The following NUP35 variants were observed in gnomAD, a reference collection of about 807,000 sequenced individuals.
NUP35 encodes nucleoporin 35, also known as nucleoporin NUP35.
A neutral mutation model predicts 41.5 loss-of-function variants in NUP35; 25 were observed. The ratio of observed to expected loss-of-function variants is 0.60; its 90% confidence interval spans 0.44 to 0.84. NUP35 has a LOEUF of 0.84. Ranked by LOEUF, NUP35 falls within the 40% of genes least tolerant of loss-of-function variation. The probability of loss-of-function intolerance (pLI) is 0.00; values close to 1 mark genes in which losing one functional copy is unlikely to be tolerated. For missense variants in NUP35, 396 were observed against 396.6 expected, an observed-to-expected ratio of 1.00 and a Z score of 0.01; for synonymous variants, 149 against 130.7, an observed-to-expected ratio of 1.14 and a Z score of -0.96.
intron 4 of NUP35, among the ~76,000 whole-genome samples, chr2:183,143,170 AG>A (rs1685161402): frequency 6.7e-6 from 1 of 150,046 alleles, no homozygotes; most frequent in African/African-American, 2.5e-5. Context: ...AAAAAAAAAA[AG>A]AAAAGAAATA....
chr2:183,129,679 A>G (rs953472442), intron 2 of NUP35, among the ~76,000 whole-genome samples: 3 of 152,210 alleles, frequency 2.0e-5, no homozygotes, highest in Non-Finnish European at 4.4e-5. Context: ...CTGAGGCTAA[A>G]TGCAATAAGT....
At chr2:183,151,375 A>G (rs1685463837) in intron 4 of NUP35, 133 bp from the exon 5 acceptor site, 1 of 676,196 alleles carries the variant, frequency 1.5e-6, no homozygotes, top group South Asian at 2.2e-5. Flanking sequence ...CTATTTGACC[A>G]CAGTTGTATG....
intron 3 of NUP35, among the ~76,000 whole-genome samples, chr2:183,133,092 A>G (rs555199757): frequency 1.3e-5 from 2 of 152,258 alleles, no homozygotes; most frequent in African/African-American, 4.8e-5. Context: ...CAGTTTTGGA[A>G]CTTTCTACTG....
intron 4 of NUP35, among the ~76,000 whole-genome samples, chr2:183,145,556 A>G (rs1234722110): frequency 6.6e-6 from 1 of 152,194 alleles, no homozygotes; most frequent in Non-Finnish European, 1.5e-5. Flanking sequence ...CATGTACCCC[A>G]TACATTTGTA....
intron 4 of NUP35, among the ~76,000 whole-genome samples, chr2:183,138,905 G>C (rs1376333660): frequency 6.6e-6 from 1 of 152,064 alleles, no homozygotes; most frequent in Non-Finnish European, 1.5e-5. Context: ...CCTGGAAGTG[G>C]GGGCCAAAAG....
chr2:183,122,117 G>A (rs947747065), upstream of NUP35, among the ~76,000 whole-genome samples: 7 of 147,936 alleles, frequency 4.7e-5, no homozygotes, highest in East Asian at 2.0e-4. Context: ...TCGCTCTGTC[G>A]CCAGGCTGGA....
intron 2 of NUP35, among the ~76,000 whole-genome samples, chr2:183,129,573 G>A (rs534589485): frequency 1.3e-5 from 2 of 152,114 alleles, no homozygotes; most frequent in Admixed American, 6.6e-5. Flanking sequence ...GGTAGCCAAC[G>A]TATATTGATT....
intron 6 of NUP35, 65 bp from the exon 7 acceptor site, chr2:183,158,218 G>A (rs1467892764): frequency 8.6e-7 from 1 of 1,158,964 alleles, no homozygotes; most frequent in Non-Finnish European, 1.1e-6. Flanking sequence ...CTATTTTCTA[G>A]TAGAATTCAT....
At chr2:183,157,572 G>T (rs1032750434) in intron 6 of NUP35, 59 bp downstream of exon 6, 7 of 1,117,928 alleles carry the variant, frequency 6.3e-6, no homozygotes, top group Non-Finnish European at 7.9e-6. Context: ...GTTGTGAATT[G>T]AGAGAAACTG....
At chr2:183,148,803 C>T (rs567216322) in intron 4 of NUP35, among the ~76,000 whole-genome samples, 6 of 152,232 alleles carry the variant, frequency 3.9e-5, no homozygotes, top group African/African-American at 1.4e-4. Flanking sequence ...GGACCACAGG[C>T]ACACACCACT....
intron 2 of NUP35, 25 bp from the exon 3 acceptor site, chr2:183,130,393 T>A (rs542876332): frequency 0.054 from 70,304 of 1,303,354 alleles, 754 homozygotes; most frequent in South Asian, 0.17. Context: ...ATCCCTTTTT[T>A]TTTTTTTTTT....
At chr2:183,144,401 A>G (rs1023617208) in intron 4 of NUP35, among the ~76,000 whole-genome samples, 17 of 152,116 alleles carry the variant, frequency 1.1e-4, no homozygotes. Context: ...CCCTTATTAC[A>G]TATTGTGCTA....
intron 1 of NUP35, among the ~76,000 whole-genome samples, 185 bp downstream of exon 1, chr2:183,124,682 A>G (rs1032593774): frequency 2.0e-5 from 3 of 152,220 alleles, no homozygotes; most frequent in African/African-American, 4.8e-5. Context: ...TACTGCTACA[A>G]AGGTGGCGCC....
intron 4 of NUP35, 113 bp from the exon 5 acceptor site, chr2:183,151,395 G>A: frequency 1.1e-6 from 1 of 920,742 alleles, no homozygotes; most frequent in South Asian, 1.7e-5. Context: ...GTTTTGAACT[G>A]TTTATGTAAT....
At chr2:183,131,026 G>A (rs1256120517) in intron 3 of NUP35, 1 of 666,282 alleles carries the variant, frequency 1.5e-6, no homozygotes, top group Non-Finnish European at 2.4e-6. Flanking sequence ...CAGTTGCCCA[G>A]GCTAGAGTGC....
At position 183,161,219 on chromosome 2, in the gene NUP35, A is replaced by G; in HGVS notation, c.*88A>G. 4 of 805,608 alleles carry G rather than the reference A, an allele frequency of 5.0e-6. No homozygotes were observed. Among genetic ancestry groups the G allele is most frequent in the African/African-American group, 1.7e-5 (1 of 58,278 alleles). 49.9% of individuals were successfully genotyped at this position (805,608 alleles called of 1,614,324 possible). A position where few individuals can be genotyped will look rare whatever the true frequency, so the allele number is the denominator to read the frequency against. On this transcript the variant is annotated 3_prime_UTR_variant, in exon 9 of 9. Transcript: ENST00000295119. ...CGGTTAGTTATATAACTGTTCCTGC[A>G]GTATTGGATAGCTATCTCATACTTC...
At chr2:183,130,193 G>A (rs950459236) in intron 2 of NUP35, among the ~76,000 whole-genome samples, 1 of 152,074 alleles carries the variant, frequency 6.6e-6, no homozygotes, top group Non-Finnish European at 1.5e-5. Flanking sequence ...AGCAGCATTG[G>A]CATTACCTGG....
intron 5 of NUP35, 127 bp downstream of exon 5, chr2:183,151,776 T>C: frequency 1.3e-6 from 1 of 780,198 alleles, no homozygotes; most frequent in South Asian, 1.9e-5. Flanking sequence ...ACCTAGGTTC[T>C]ATGGTTAACA....
intron 8 of NUP35, chr2:183,160,530 G>C (rs1057191096): frequency 6.6e-6 from 1 of 151,854 alleles, no homozygotes; most frequent in Non-Finnish European, 1.5e-5. Flanking sequence ...TTACAGGCAC[G>C]TGCCACCACG....
Sources: gnomAD v4.1 joint callset for allele counts (sites outside exome capture counted in the v4.1 genomes callset) on GRCh38, gnomAD v4.1.1 for gene constraint, MANE v1.5 for transcripts, NCBI Gene and HGNC (gene_info 2026-07-23, HGNC 2026-07-21) for gene names.